The following HYDIN variants were observed in gnomAD, a reference collection of about 807,000 sequenced individuals.
HYDIN encodes axonemal central pair apparatus protein HYDIN.
Under a neutral mutation model 403.9 loss-of-function variants are expected in HYDIN, and 132 were observed. The observed-to-expected ratio is 0.33, with a 90% CI of 0.28 to 0.38. The LOEUF is 0.38. Among genes scored for constraint, HYDIN ranks in the 10% least tolerant of loss-of-function variants. The pLI is 1.00. For synonymous variants in HYDIN, 1,202 were observed against 1,891.7 expected (o/e 0.64, Z 9.46); for missense variants, 2,827 against 5,009.5 (o/e 0.56, Z 13.15).
At chr16:71,087,136 T>A (rs2144360957) in intron 12 of HYDIN, among the ~76,000 whole-genome samples, 1 of 152,296 alleles carries the variant, frequency 6.6e-6, no homozygotes, top group East Asian at 1.9e-4. Flanking sequence ...AAAAAGATTA[T>A]GTTTGTGACA....
At chr16:71,084,555 T>C (rs1009456798) in intron 12 of HYDIN, among the ~76,000 whole-genome samples, 1 of 149,454 alleles carries the variant, frequency 6.7e-6, no homozygotes, top group Non-Finnish European at 1.5e-5. Flanking sequence ...CCCAGTTAAT[T>C]TTTTTGTATT....
At chr16:71,002,714 A>G (rs2502674) in intron 23 of HYDIN, among the ~76,000 whole-genome samples, 28 of 145,852 alleles carry the variant, frequency 1.9e-4, no homozygotes, top group African/African-American at 6.9e-4. Flanking sequence ...GTCTCACTCT[A>G]TTGCCCAGGC....
intron 6 of HYDIN, among the ~76,000 whole-genome samples, chr16:71,156,716 T>C (rs2085783058): frequency 6.6e-6 from 1 of 151,662 alleles, no homozygotes; most frequent in Non-Finnish European, 1.5e-5. Flanking sequence ...ATATTAAATA[T>C]TGAATATAAT....
chr16:70,982,226 A>T (rs1160465262), intron 28 of HYDIN, among the ~76,000 whole-genome samples: 2 of 152,004 alleles, frequency 1.3e-5, no homozygotes, highest in African/African-American at 4.8e-5. Context: ...TTATGTCAAT[A>T]TATTAAAACA....
chr16:71,033,734 G>A (rs1201270973), intron 18 of HYDIN, among the ~76,000 whole-genome samples: 4 of 152,032 alleles, frequency 2.6e-5, no homozygotes, highest in Admixed American at 6.6e-5. Flanking sequence ...CATGGCACAC[G>A]TTTACCTATG....
chr16:70,858,680 G>A (rs991039330), intron 71 of HYDIN, among the ~76,000 whole-genome samples: 30 of 151,724 alleles, frequency 2.0e-4, no homozygotes, highest in Non-Finnish European at 4.1e-4. Context: ...CAGGTGCTCT[G>A]GAGGTGTGTC....
chr16:71,019,643 T>A (rs899876855), intron 22 of HYDIN, among the ~76,000 whole-genome samples: 1 of 152,260 alleles, frequency 6.6e-6, no homozygotes, highest in African/African-American at 2.4e-5. Context: ...GAAAATGACA[T>A]TATTGTTTTG....
chr16:71,010,298 C>T (rs1407538071), intron 23 of HYDIN, among the ~76,000 whole-genome samples: 1 of 152,188 alleles, frequency 6.6e-6, no homozygotes, highest in Non-Finnish European at 1.5e-5. Flanking sequence ...CTTGAGCTCA[C>T]AGCGTTCTGA....
intron 7 of HYDIN, among the ~76,000 whole-genome samples, chr16:71,146,068 T>C (rs1050112267): frequency 3.3e-5 from 5 of 152,214 alleles, no homozygotes; most frequent in African/African-American, 1.2e-4. Flanking sequence ...ATATGCTAGA[T>C]TGCTCATGTG....
intron 53 of HYDIN, among the ~76,000 whole-genome samples, chr16:70,896,633 G>A (rs1395702799): frequency 1.3e-5 from 2 of 149,046 alleles, no homozygotes; most frequent in Admixed American, 6.7e-5. Context: ...TGGGGTTATA[G>A]ATGTGAGCCA....
chr16:70,885,997 G>A (rs2041109201), intron 58 of HYDIN, among the ~76,000 whole-genome samples: 1 of 145,422 alleles, frequency 6.9e-6, no homozygotes. Context: ...ATGAGGGAAA[G>A]GCCAACAGAA....
intron 57 of HYDIN, among the ~76,000 whole-genome samples, chr16:70,890,698 A>G (rs902836050): frequency 3.3e-5 from 5 of 151,018 alleles, no homozygotes; most frequent in Non-Finnish European, 7.4e-5. Flanking sequence ...AGAAGCCAAA[A>G]GCACTCAAAA....
intron 23 of HYDIN, among the ~76,000 whole-genome samples, chr16:70,995,189 T>A (rs550438869): frequency 1.9e-4 from 29 of 152,204 alleles, no homozygotes; most frequent in Admixed American, 1.9e-3. Context: ...CTCCAAAATA[T>A]TGAAATAGAA....
chr16:70,820,657 A>AT (rs1280292917), intron 83 of HYDIN, among the ~76,000 whole-genome samples: 12 of 138,416 alleles, frequency 8.7e-5, no homozygotes, highest in Non-Finnish European at 1.4e-4. Flanking sequence ...TTTAAAACAT[A>AT]TTTTTTTTTG....
chr16:71,031,249 T>C (rs1011380215), intron 19 of HYDIN, among the ~76,000 whole-genome samples: 2 of 123,010 alleles, frequency 1.6e-5, no homozygotes, highest in Admixed American at 7.9e-5. Flanking sequence ...CAATAGCTGA[T>C]AAAATACACT....
At chr16:70,817,380 A>AG (rs916707702) in intron 84 of HYDIN, 2 of 151,672 alleles carry the variant, frequency 1.3e-5, no homozygotes, top group Non-Finnish European at 2.9e-5. Flanking sequence ...ATGTACCAGG[A>AG]GATCCATGGC....
At chr16:71,116,697 A>G (rs1268448602) in intron 9 of HYDIN, among the ~76,000 whole-genome samples, 1 of 152,156 alleles carries the variant, frequency 6.6e-6, no homozygotes, top group Non-Finnish European at 1.5e-5. Context: ...CATTTTTCTA[A>G]TAAGTACAAG....
chr16:71,158,684 T>G (rs2085881862), intron 6 of HYDIN, among the ~76,000 whole-genome samples: 1 of 149,720 alleles, frequency 6.7e-6, no homozygotes, highest in African/African-American at 2.5e-5. Flanking sequence ...AGATGGTTTT[T>G]TTTTTTTTTT....
intron 47 of HYDIN, among the ~76,000 whole-genome samples, chr16:70,911,484 T>A (rs2076693825): frequency 7.8e-6 from 1 of 128,636 alleles, no homozygotes; most frequent in Admixed American, 7.5e-5. Flanking sequence ...CCTATTTTTA[T>A]ATCAGTAACA....
Sources: allele counts gnomAD v4.1 joint callset (sites outside exome capture counted in the v4.1 genomes callset), GRCh38; gene constraint gnomAD v4.1.1; transcripts MANE v1.5; gene names NCBI Gene and HGNC (gene_info 2026-07-23, HGNC 2026-07-21).